BRINP3: variants seen among roughly 807,000 people sequenced by gnomAD.
BRINP3 encodes the protein BMP/retinoic acid-inducible neural-specific protein 3.
Under a neutral mutation model 71.0 loss-of-function variants are expected in BRINP3, and 19 were observed. The ratio of observed to expected loss-of-function variants is 0.27; its 90% confidence interval spans 0.19 to 0.39. BRINP3 has a LOEUF of 0.39. Among genes scored for constraint, BRINP3 ranks in the 10% least tolerant of loss-of-function variants. BRINP3 has a pLI of 1.00. For synonymous variants in BRINP3, 380 were observed against 337.7 expected, an observed-to-expected ratio of 1.13 and a Z score of -1.37; for missense variants, 959 against 940.8, an observed-to-expected ratio of 1.02 and a Z score of -0.25.
rs1036978781 is a variant in BRINP3 at position 190,336,123 on chromosome 1, T to C, written c.237-54373A>G. On this transcript the variant is annotated intron_variant, in intron 2 of 7. Coordinates refer to ENST00000367462, the MANE Select transcript of BRINP3 (RefSeq NM_199051.3). ...GGTTACAATAAGTCAGTATTACAACTCCTTGGAACAGTCACTGGTTCCATC... is the reference window on the plus strand; with the variant it reads ...GGTTACAATAAGTCAGTATTACAACCCCTTGGAACAGTCACTGGTTCCATC... 3.9e-5 allele frequency among the ~76,000 whole-genome samples: 6 copies of C among 152,134 alleles called. No individual in the cohort carries two copies. In the East Asian group the frequency reaches 1.2e-3, roughly 30 times the overall value.
chr1:190,447,785 T>C (rs1675328528), intron 2 of BRINP3, among the ~76,000 whole-genome samples: 1 of 151,536 alleles, frequency 6.6e-6, no homozygotes, highest in African/African-American at 2.4e-5. Context: ...TTTTTAACTT[T>C]TGCTTAAATA....
chr1:190,250,463 G>A (rs1296409611), intron 4 of BRINP3, among the ~76,000 whole-genome samples: 2 of 151,906 alleles, frequency 1.3e-5, no homozygotes, highest in Non-Finnish European at 2.9e-5. Context: ...GCTTGCTGTA[G>A]TACTTTTGGG....
At chr1:190,188,610 T>C (rs1245861851) in intron 6 of BRINP3, among the ~76,000 whole-genome samples, 1 of 145,120 alleles carries the variant, frequency 6.9e-6, no homozygotes, top group Middle Eastern at 3.2e-3. Flanking sequence ...ATTGAAAACA[T>C]CATTTTTTTT....
At chr1:190,219,600 G>C (rs2102679611) in intron 6 of BRINP3, among the ~76,000 whole-genome samples, 1 of 152,118 alleles carries the variant, frequency 6.6e-6, no homozygotes, top group East Asian at 1.9e-4. Context: ...AGCACTTTGG[G>C]AGGCCGAGGT....
intron 2 of BRINP3, among the ~76,000 whole-genome samples, chr1:190,369,832 ATATAT>A (rs1407258460): frequency 6.6e-6 from 1 of 152,172 alleles, no homozygotes; most frequent in African/African-American, 2.4e-5. Context: ...ATAATGTTAA[ATATAT>A]TATGTTTTTA....
intron 7 of BRINP3, among the ~76,000 whole-genome samples, chr1:190,125,285 T>C (rs746707694): frequency 6.6e-6 from 1 of 151,694 alleles, no homozygotes; most frequent in Admixed American, 6.6e-5. Flanking sequence ...ATATGTAGCA[T>C]AAAAATACAT....
chr1:190,228,510 G>T (rs1282236577), intron 5 of BRINP3, among the ~76,000 whole-genome samples: 4 of 151,726 alleles, frequency 2.6e-5, no homozygotes, highest in Admixed American at 1.3e-4. Flanking sequence ...AGTAATTTGG[G>T]GAGGAATGAT....
chr1:190,211,238 C>A (rs1307548336), intron 6 of BRINP3, among the ~76,000 whole-genome samples: 1 of 152,094 alleles, frequency 6.6e-6, no homozygotes, highest in Non-Finnish European at 1.5e-5. Context: ...TGCACTCCAT[C>A]CTGGGTGACA....
intron 2 of BRINP3, among the ~76,000 whole-genome samples, chr1:190,283,394 TA>T (rs1283104887): frequency 1.3e-5 from 2 of 151,858 alleles, no homozygotes; most frequent in African/African-American, 2.4e-5. Context: ...ATACTTTGAA[TA>T]AAACAACCGA....
intron 7 of BRINP3, among the ~76,000 whole-genome samples, chr1:190,140,165 T>C (rs1246998670): frequency 6.6e-6 from 1 of 152,206 alleles, no homozygotes; most frequent in African/African-American, 2.4e-5. Flanking sequence ...TGAGTATTTT[T>C]TATTTTGTGA....
intron 7 of BRINP3, among the ~76,000 whole-genome samples, chr1:190,116,300 G>A (rs983148831): frequency 1.6e-4 from 24 of 152,052 alleles, no homozygotes; most frequent in African/African-American, 5.8e-4. Context: ...GACAACATCT[G>A]CTTTTAGAAC....
At chr1:190,193,029 A>T (rs1319577346) in intron 6 of BRINP3, among the ~76,000 whole-genome samples, 4 of 152,178 alleles carry the variant, frequency 2.6e-5, no homozygotes, top group Middle Eastern at 3.2e-3. Flanking sequence ...ATATTTGTAC[A>T]GAAAGTAAAG....
chr1:190,408,071 G>C (rs1312333111), intron 2 of BRINP3, among the ~76,000 whole-genome samples: 2 of 125,144 alleles, frequency 1.6e-5, no homozygotes, highest in East Asian at 5.0e-4. Flanking sequence ...GCCCAGGCTG[G>C]AGTGCAGTGG....
At chr1:190,404,801 ACTTT>A (rs1324036223) in intron 2 of BRINP3, among the ~76,000 whole-genome samples, 2 of 152,136 alleles carry the variant, frequency 1.3e-5, no homozygotes, top group Non-Finnish European at 2.9e-5. Flanking sequence ...ATTAAAGTCA[ACTTT>A]CTTTCTGGAT....
intron 2 of BRINP3, among the ~76,000 whole-genome samples, chr1:190,358,587 T>G (rs1011779970): frequency 6.6e-5 from 10 of 152,258 alleles, no homozygotes; most frequent in African/African-American, 2.4e-4. Context: ...GTTCAACCAT[T>G]GTGGAAGTCA....
chr1:190,211,685 A>T (rs891485447), intron 6 of BRINP3, among the ~76,000 whole-genome samples: 2 of 152,142 alleles, frequency 1.3e-5, no homozygotes, highest in African/African-American at 4.8e-5. Flanking sequence ...CAGAGAAAAA[A>T]CATCAGGCCA....
At chr1:190,170,292 GAAAGA>G (rs1430201383) in intron 6 of BRINP3, among the ~76,000 whole-genome samples, 1 of 151,948 alleles carries the variant, frequency 6.6e-6, no homozygotes, top group East Asian at 1.9e-4. Flanking sequence ...AATATAAAAG[GAAAGA>G]ATTTTATATT....
intron 2 of BRINP3, among the ~76,000 whole-genome samples, chr1:190,290,923 G>A: frequency 6.6e-6 from 1 of 151,850 alleles, no homozygotes; most frequent in Non-Finnish European, 1.5e-5. Context: ...GTGTGTGTGT[G>A]TATTTGTGGG....
intron 2 of BRINP3, among the ~76,000 whole-genome samples, chr1:190,338,085 C>T (rs1311790795): frequency 6.6e-6 from 1 of 152,048 alleles, no homozygotes; most frequent in Admixed American, 6.6e-5. Context: ...TCAAGGATAA[C>T]AAACTTGATC....
Sources: allele counts gnomAD v4.1 joint callset (sites outside exome capture counted in the v4.1 genomes callset), GRCh38; gene constraint gnomAD v4.1.1; transcripts MANE v1.5; gene names NCBI Gene and HGNC (gene_info 2026-07-23, HGNC 2026-07-21).